Variants in ITIH5 observed in about 807,000 individuals in gnomAD.
ITIH5 encodes the protein inter-alpha-trypsin inhibitor heavy chain 5.
Under a neutral mutation model 77.5 loss-of-function variants are expected in ITIH5, and 65 were observed. The observed-to-expected ratio is 0.84, with a 90% CI of 0.69 to 1.03. ITIH5 has a LOEUF of 1.03. ITIH5 is among the 50% of genes least tolerant of loss of function. ITIH5 has a pLI of 0.00. For synonymous variants in ITIH5, 525 were observed against 494.3 expected (o/e 1.06, Z -0.82); for missense variants, 1,208 against 1,213.1 (o/e 1.00, Z 0.06).
At chr10:7,661,262 T>C (rs1307761407) in intron 1 of ITIH5, among the ~76,000 whole-genome samples, 8 of 152,144 alleles carry the variant, frequency 5.3e-5, no homozygotes, top group Non-Finnish European at 1.0e-4. Flanking sequence ...CCAAGAGCCA[T>C]TACACCAAGG....
At position 7,617,346 on chromosome 10, in the gene ITIH5, CTGTT is replaced by C. The variant is rs1228588582; in HGVS notation, c.653-68_653-65del. ...ATATTTTTCCAAAAAGAAATAAAAA[CTGTT>C]TGGCAGACACAGAGTTTTAGATTTC... On this transcript the variant is annotated intron_variant, in intron 5 of 13. Coordinates refer to ENST00000397146, the MANE Select transcript of ITIH5 (RefSeq NM_030569.7). 122 of 1,088,402 alleles carry C rather than the reference CTGTT, an allele frequency of 1.1e-4. 1 individual carries two copies. The highest frequency in any genetic ancestry group is 1.0e-3 in the Admixed American group (29 of 28,734). 67.4% of individuals were successfully genotyped at this position (1,088,402 alleles called of 1,614,324 possible).
At chr10:7,648,157 T>G (rs575158460) in intron 2 of ITIH5, among the ~76,000 whole-genome samples, 2 of 150,684 alleles carry the variant, frequency 1.3e-5, no homozygotes, top group East Asian at 3.9e-4. Context: ...GGCAGGAGAA[T>G]AGCGTGAACC....
intron 5 of ITIH5, among the ~76,000 whole-genome samples, chr10:7,627,269 G>T (rs951006098): frequency 3.6e-4 from 54 of 147,984 alleles, no homozygotes; most frequent in Admixed American, 3.6e-3. Flanking sequence ...AAACCTGCAC[G>T]TTCTGCACAT....
intron 4 of ITIH5, 79 bp from the exon 5 acceptor site, chr10:7,637,557 C>A: frequency 7.0e-7 from 1 of 1,421,640 alleles, no homozygotes; most frequent in Non-Finnish European, 9.6e-7. Context: ...CACAGGGCAC[C>A]AGCCATACCC....
chr10:7,642,181 T>C, intron 2 of ITIH5, 91 bp from the exon 3 acceptor site: 1 of 1,022,084 alleles, frequency 9.8e-7, no homozygotes, highest in Non-Finnish European at 1.4e-6. Context: ...ACAAGGGAAA[T>C]AATCTTCAGT....
At chr10:7,573,119 C>A in intron 11 of ITIH5, 23 bp downstream of exon 11, 3 of 1,609,178 alleles carry the variant, frequency 1.9e-6, no homozygotes, top group Non-Finnish European at 2.6e-6. Context: ...TCAATCCACA[C>A]ACAACCGCAT....
At chr10:7,593,195 C>A (rs1832828866) in intron 7 of ITIH5, among the ~76,000 whole-genome samples, 1 of 152,106 alleles carries the variant, frequency 6.6e-6, no homozygotes, top group Non-Finnish European at 1.5e-5. Flanking sequence ...TCCTTATGAC[C>A]TTGTAAGGCC....
intron 10 of ITIH5, among the ~76,000 whole-genome samples, chr10:7,574,794 GAAAAAA>G (rs59563530): frequency 0.47 from 39,813 of 85,290 alleles, 6,838 homozygotes; most frequent in East Asian, 0.68. Context: ...CTCCATCTCG[GAAAAAA>G]AAAAAAAAAA....
chr10:7,602,783 T>C (rs571115148), intron 7 of ITIH5, among the ~76,000 whole-genome samples: 30 of 152,182 alleles, frequency 2.0e-4, no homozygotes, highest in African/African-American at 6.8e-4. Context: ...GGTTCCAAAG[T>C]CTCAAGAATC....
At position 7,640,131 on chromosome 10, in the gene ITIH5, G is replaced by C. The variant is rs113043048; in HGVS notation, c.401+623C>G. 3.8e-3 allele frequency among the ~76,000 whole-genome samples: 420 copies of C among 111,604 alleles called. 2 individuals are homozygous for C. The highest frequency in any genetic ancestry group is 4.5e-3 in the Non-Finnish European group (256 of 57,412). 73.2% of individuals were successfully genotyped at this position (111,604 alleles called of 152,430 possible). The stretch of plus-strand genomic sequence containing the variant: ...TGAAGTATGACTATCACAATATTTA[G>C]AGTTAGGGGGTAACTACAAAAAAAA... On this transcript the variant is annotated intron_variant, in intron 4 of 13. Transcript: ENST00000397146.
At position 7,559,735 on chromosome 10, in the gene ITIH5, T is replaced by C. The variant is rs1832004243; in HGVS notation, c.*3348A>G. 3.6e-5 allele frequency: 16 copies of C among 441,004 alleles called. 1 individual carries two copies. Among genetic ancestry groups the C allele is most frequent in the South Asian group, 2.6e-4 (16 of 61,588 alleles). The allele number at this position is 441,004 out of a possible 1,614,324, so 27.3% of individuals were successfully genotyped here. ...GAGGCTGGGAGGTCCAAGATCAAGG[T>C]GCCAGCAGACATGGTGTCTGGTGAG... On this transcript the variant is annotated 3_prime_UTR_variant, in exon 14 of 14. Transcript: ENST00000397146.
intron 10 of ITIH5, among the ~76,000 whole-genome samples, chr10:7,574,653 C>T (rs1164418859): frequency 1.3e-5 from 2 of 151,786 alleles, no homozygotes; most frequent in Admixed American, 1.3e-4. Context: ...ATTAGCCGGG[C>T]GCGGTGGTGG....
intron 2 of ITIH5, among the ~76,000 whole-genome samples, chr10:7,647,795 CTG>C (rs1178721605): frequency 1.3e-5 from 2 of 152,032 alleles, no homozygotes; most frequent in Non-Finnish European, 2.9e-5. Context: ...TGAAGATAAA[CTG>C]TAAAGAAAAA....
chr10:7,623,870 G>A (rs965137404), intron 5 of ITIH5, among the ~76,000 whole-genome samples: 14 of 151,458 alleles, frequency 9.2e-5, no homozygotes, highest in Non-Finnish European at 1.9e-4. Context: ...TTTGGGAAAG[G>A]ATTTTTCTTC....
At chr10:7,570,048 A>T in intron 11 of ITIH5, 1 of 288,384 alleles carries the variant, frequency 3.5e-6, no homozygotes, top group Non-Finnish European at 6.4e-6. Context: ...ACCTCAGCTC[A>T]GTCTAGACAA....
chr10:7,656,994 G>A (rs933692112), intron 1 of ITIH5, among the ~76,000 whole-genome samples: 13 of 141,472 alleles, frequency 9.2e-5, no homozygotes, highest in African/African-American at 3.2e-4. Flanking sequence ...CACCTGCCTT[G>A]GCCTCCCAAA....
Position 7,606,295 on chromosome 10 carries a change from A to G in ITIH5, c.939+9687T>C, listed in dbSNP as rs375097177. ...AGAAATCATTCTACCATAAAGACAC[A>G]CATATGCATATGTTTATGGCAGCAC... On this transcript the variant is annotated intron_variant, in intron 7 of 13. Coordinates refer to ENST00000397146, the MANE Select transcript of ITIH5 (RefSeq NM_030569.7). 1.2e-4 allele frequency among the ~76,000 whole-genome samples: 18 copies of G among 152,324 alleles called. No homozygotes were observed. The East Asian group carries it at 1.5e-3, about 13-fold the overall frequency.
intron 1 of ITIH5, among the ~76,000 whole-genome samples, chr10:7,660,854 T>C (rs906751521): frequency 6.6e-6 from 1 of 152,246 alleles, no homozygotes; most frequent in Non-Finnish European, 1.5e-5. Flanking sequence ...GTTTGCATCC[T>C]CCATTCTTCT....
chr10:7,566,917 G>GAA (rs1564232878), intron 12 of ITIH5, among the ~76,000 whole-genome samples: 2 of 105,606 alleles, frequency 1.9e-5, no homozygotes, highest in Non-Finnish European at 3.9e-5. Context: ...AGAAGAAGAA[G>GAA]AAGAAAAGAA....
Sources: gnomAD v4.1 joint callset for allele counts (sites outside exome capture counted in the v4.1 genomes callset) on GRCh38, gnomAD v4.1.1 for gene constraint, MANE v1.5 for transcripts, NCBI Gene and HGNC (gene_info 2026-07-23, HGNC 2026-07-21) for gene names.